The following AEN variants were observed in gnomAD, a reference collection of about 807,000 sequenced individuals.
The protein encoded by AEN is apoptosis enhancing nuclease.
A neutral mutation model predicts 17.7 loss-of-function variants in AEN; 21 were observed. The observed-to-expected ratio is 1.19, with a 90% CI of 0.84 to 1.71. The LOEUF (loss-of-function observed/expected upper bound fraction) is 1.71, where lower values mean the gene tolerates loss of function less well. Ranked by LOEUF, AEN falls within the 40% of genes most tolerant of loss-of-function variation. The pLI is 0.00. For missense variants in AEN, 462 were observed against 435.9 expected (o/e 1.06, Z -0.53); for synonymous variants, 190 against 173.0 (o/e 1.10, Z -0.77).
Position 88,626,647 on chromosome 15 carries a change from C to T in AEN, c.438C>T (p.Tyr146=). ...SYHGNVLYDK[Y]IRPEMPIADY... is the part of the protein sequence containing the mutation. ...ATGGCAATGTCCTCTATGACAAGTA[C>T]ATCAGGCCTGAGATGCCCATCGCTG... The change falls in exon 2 of 4, where the codon TAC becomes TAT. Residue 146 remains tyrosine (Y), a synonymous_variant. Transcript: ENST00000332810. 1.2e-6 allele frequency: 2 copies of T among 1,613,998 alleles called. No individual in the cohort carries two copies. The highest frequency in any genetic ancestry group is 1.7e-6 in the Non-Finnish European group (2 of 1,180,006).
Position 88,629,257 on chromosome 15 carries a change from T to G in AEN, c.572T>G (p.Val191Gly), listed in dbSNP as rs1301406182. The change falls in exon 3 of 4, where the codon GTG becomes GGG. Residue 191 changes from valine (V) to glycine (G), a missense_variant. By Grantham distance (109) the Val-to-Gly change is moderately radical. Transcript: ENST00000332810. ...ILKLLKGKVV[V>G]GHALHNDFQA... Reference sequence around the variant, plus strand: ...AAGCTCCTGAAGGGCAAGGTGGTGGTGGGGCACGCGCTGCACAACGACTTC... The same window carrying G: ...AAGCTCCTGAAGGGCAAGGTGGTGGGGGGGCACGCGCTGCACAACGACTTC... The G allele has an allele frequency of 4.3e-6, 7 of 1,614,064 alleles. No individual in the cohort carries two copies. Among genetic ancestry groups the G allele is most frequent in the Non-Finnish European group, 5.9e-6 (7 of 1,179,990 alleles).
chr15:88,609,551 A>C, the AEN span, among the ~76,000 whole-genome samples: 15 of 152,242 alleles, frequency 9.9e-5, no homozygotes, highest in Admixed American at 3.9e-4. Context: ...GATCATTGTC[A>C]TGGAGGAAAC....
Position 88,623,750 on chromosome 15 carries a change from G to C in AEN, c.-65+2368G>C, listed in dbSNP as rs182711645. Among the ~76,000 whole-genome samples the C allele has an allele frequency of 5.8e-4, 88 of 152,312 alleles. 1 individual carries two copies. In the East Asian group the frequency reaches 0.016, roughly 28 times the overall value. On this transcript the variant is annotated intron_variant, in intron 1 of 3. Transcript: ENST00000332810. ...CCTCTGGGGCTCCCCCACTCACTTG[G>C]CCAGTAGAGACCAATTCAGGGGACA...
At chr15:88,621,434 G>A in intron 1 of AEN, 52 bp downstream of exon 1, 1 of 152,674 alleles carries the variant, frequency 6.5e-6, no homozygotes, top group Non-Finnish European at 1.5e-5. Context: ...GGCTGAGGCC[G>A]CGTGTCCCGG....
chr15:88,620,918 T>C (rs1002165627), upstream of AEN, among the ~76,000 whole-genome samples: 1 of 152,064 alleles, frequency 6.6e-6, no homozygotes. Flanking sequence ...GTGCCTACTG[T>C]GTATATTATT....
At position 88,626,263 on chromosome 15, in the gene AEN, C is replaced by A. The variant is rs1255559023; in HGVS notation, c.54C>A (p.Thr18=). 1 of 1,613,020 alleles carries A rather than the reference C, an allele frequency of 6.2e-7. No individual in the cohort carries two copies. Among genetic ancestry groups the A allele is most frequent in the South Asian group, 1.1e-5 (1 of 90,986 alleles). Residue 18 remains threonine (T), a synonymous_variant, in exon 2 of 4, where the codon ACC becomes ACA. Coordinates refer to ENST00000332810, the MANE Select transcript of AEN (RefSeq NM_022767.4). The stretch of plus-strand genomic sequence containing the variant: ...CTCAGTGCCTGTGCCCTTCCCTCAC[C>A]ATCCCAAATGCCAAGGATGTGCTTC... ...ESAQCLCPSL[T]IPNAKDVLRK...
At chr15:88,611,128 T>G in the AEN span, among the ~76,000 whole-genome samples, 1 of 152,188 alleles carries the variant, frequency 6.6e-6, no homozygotes, top group African/African-American at 2.4e-5. Context: ...ATTTTCACCA[T>G]GGGCCATGCC....
the AEN span, among the ~76,000 whole-genome samples, chr15:88,612,486 G>T: frequency 2.6e-5 from 4 of 152,150 alleles, no homozygotes; most frequent in East Asian, 7.7e-4. Context: ...GTGGCCAAGG[G>T]AAAAAAGCCC....
chr15:88,625,951 C>T (rs1480346575), intron 1 of AEN, among the ~76,000 whole-genome samples, 195 bp from the exon 2 acceptor site: 1 of 152,182 alleles, frequency 6.6e-6, no homozygotes, highest in African/African-American at 2.4e-5. Context: ...GTATTTACAA[C>T]AGTGATTCAC....
Position 88,629,304 on chromosome 15 carries a change from C to T in AEN, c.619C>T (p.Pro207Ser), listed in dbSNP as rs1348393294. The change falls in exon 3 of 4, where the codon CCT (proline) becomes TCT (serine). Residue 207 changes from proline (P) to serine (S), a missense_variant. Coordinates refer to ENST00000332810, the MANE Select transcript of AEN (RefSeq NM_022767.4). ...NDFQALKYVHPRSQTRDTTYV... is the reference protein window; with the variant it reads ...NDFQALKYVHSRSQTRDTTYV... ...CTTCCAGGCGCTCAAGTATGTCCAC[C>T]CTCGGAGCCAGACCCGGGATACGAC... The T allele has an allele frequency of 2.5e-6, 4 of 1,614,158 alleles. No homozygotes were observed. The highest frequency in any genetic ancestry group is 2.5e-6 in the Non-Finnish European group (3 of 1,180,016).
At chr15:88,608,390 A>G in the AEN span, among the ~76,000 whole-genome samples, 26 of 152,298 alleles carry the variant, frequency 1.7e-4, 1 homozygote, top group East Asian at 4.8e-3. Context: ...ACATTGTCCT[A>G]TGGCTTTTTT....
rs775685764 is a variant in AEN, at chr15:88,626,600, C to T, written c.391C>T (p.Arg131Cys). 77 of 1,613,980 alleles carry T rather than the reference C, an allele frequency of 4.8e-5. No individual in the cohort carries two copies. The highest frequency in any genetic ancestry group is 3.0e-4 in the Admixed American group (18 of 60,010). The change falls in exon 2 of 4, where the codon CGC becomes TGC. Residue 131 changes from arginine (R) to cysteine (C), a missense_variant. Physicochemically the swap from Arg to Cys is radical, Grantham distance 180. Coordinates refer to ENST00000332810, the MANE Select transcript of AEN (RefSeq NM_022767.4). ...CCGAGGGCGGGTAAGCGAGCTGGCCCGCTGTTCCATTGTGAGCTACCATGG... is the reference window on the plus strand; with the variant it reads ...CCGAGGGCGGGTAAGCGAGCTGGCCTGCTGTTCCATTGTGAGCTACCATGG... ...GPRGRVSELA[R>C]CSIVSYHGNV...
Position 88,630,428 on chromosome 15 carries a change from G to GTGTCAA in AEN, c.*134_*135insTGTCAA. On this transcript the variant is annotated 3_prime_UTR_variant, in exon 4 of 4. Coordinates refer to ENST00000332810, the MANE Select transcript of AEN (RefSeq NM_022767.4). This position sits in a 1 kb window ranked among gnomAD's most constrained non-coding sequence, Gnocchi z 5.1. ...GCCAGCCCCAGGGCCAGAGGAGTAG[G>GTGTCAA]GGTCATCTGTTACCTTGACACCCTC... is the stretch of plus-strand genomic sequence containing the variant. 1 of 737,040 alleles carries GTGTCAA rather than the reference G, an allele frequency of 1.4e-6. No homozygotes were observed. Among genetic ancestry groups the GTGTCAA allele is most frequent in the Non-Finnish European group, 2.3e-6 (1 of 441,996 alleles). 45.7% of individuals were successfully genotyped at this position (737,040 alleles called of 1,614,324 possible). A position where few individuals can be genotyped will look rare whatever the true frequency, so the allele number is the denominator to read the frequency against.
At chr15:88,610,908 G>C in the AEN span, among the ~76,000 whole-genome samples, 8 of 152,318 alleles carry the variant, frequency 5.3e-5, no homozygotes, top group East Asian at 1.4e-3. Flanking sequence ...GGCAGCAGGG[G>C]CTTTGCCTCT....
intron 1 of AEN, among the ~76,000 whole-genome samples, chr15:88,623,960 G>T (rs929260072): frequency 6.6e-6 from 1 of 152,198 alleles, no homozygotes; most frequent in African/African-American, 2.4e-5. Context: ...CCTTTTTAAG[G>T]CCTTTGCCCC....
chr15:88,626,361 G>C lies in AEN; in HGVS notation c.152G>C (p.Gly51Ala), dbSNP rs571202278. 332 of 1,613,040 alleles carry C rather than the reference G, an allele frequency of 2.1e-4. 2 individuals are homozygous for C. In the South Asian group the frequency reaches 3.5e-3, roughly 17 times the overall value. The change falls in exon 2 of 4, where the codon GGG becomes GCG. Residue 51 changes from glycine (G) to alanine (A), a missense_variant. By Grantham distance (60) the Gly-to-Ala change is moderately conservative. Coordinates refer to ENST00000332810, the MANE Select transcript of AEN (RefSeq NM_022767.4). Reference sequence around the variant, plus strand: ...CGGAAGGCCTTGCTGCAGGAGCAGGGGCTGCTGAGCATGCCTCCAGAACCA... The same window carrying C: ...CGGAAGGCCTTGCTGCAGGAGCAGGCGCTGCTGAGCATGCCTCCAGAACCA... ...MARKALLQEQGLLSMPPEPGS... is the reference protein window; with the variant it reads ...MARKALLQEQALLSMPPEPGS...
chr15:88,624,838 A>T (rs572187532), intron 1 of AEN, among the ~76,000 whole-genome samples: 1 of 151,172 alleles, frequency 6.6e-6, no homozygotes, highest in South Asian at 2.1e-4. Context: ...AGCCGAGATC[A>T]CGGCACTGCA....
chr15:88,605,025 T>C, the AEN span: 1 of 152,282 alleles, frequency 6.6e-6, no homozygotes, highest in Admixed American at 6.5e-5. This position sits in a 1 kb window ranked among gnomAD's most constrained non-coding sequence, Gnocchi z 7.6. Flanking sequence ...AGCAGCCAAC[T>C]GGAGCTGATA....
chr15:88,629,378 G>A lies in AEN; in HGVS notation c.693G>A (p.Arg231=), dbSNP rs1422202919. The change falls in exon 3 of 4, where the codon CGG becomes CGA. Residue 231 remains arginine (R), a synonymous_variant. Transcript: ENST00000332810. ...LSEPGLHTRA[R]VSLKDLALQL... is the part of the protein sequence containing the mutation. ...AGCCCGGCCTCCACACCCGGGCCCGGGTCTCTCTAAAGGACCTGGCCCTGC... is the reference window on the plus strand; with the variant it reads ...AGCCCGGCCTCCACACCCGGGCCCGAGTCTCTCTAAAGGACCTGGCCCTGC... 2.2e-5 allele frequency: 35 copies of A among 1,613,966 alleles called. No individual in the cohort carries two copies. Among genetic ancestry groups the A allele is most frequent in the Non-Finnish European group, 2.8e-5 (33 of 1,180,012 alleles).
Sources: gnomAD v4.1 joint callset for allele counts (sites outside exome capture counted in the v4.1 genomes callset) on GRCh38, gnomAD v4.1.1 for gene constraint, Gnocchi (gnomAD v3.1) non-coding constraint, MANE v1.5 for transcripts, NCBI Gene and HGNC (gene_info 2026-07-23, HGNC 2026-07-21) for gene names.